Variants in GALNTL6 observed in about 807,000 individuals in gnomAD.
GALNTL6 encodes the protein polypeptide N-acetylgalactosaminyltransferase like 6, also known as polypeptide N-acetylgalactosaminyltransferase-like 6.
Under a neutral mutation model 73.7 loss-of-function variants are expected in GALNTL6, and 46 were observed. That is an observed-to-expected ratio of 0.62 (90% CI 0.49 to 0.80). The LOEUF (loss-of-function observed/expected upper bound fraction) is 0.80. Ranked by LOEUF, GALNTL6 falls within the 30% of genes least tolerant of loss-of-function variation. GALNTL6 has a pLI of 0.00. For synonymous variants in GALNTL6, 259 were observed against 263.7 expected, an observed-to-expected ratio of 0.98 and a Z score of 0.17; for missense variants, 604 against 755.0, an observed-to-expected ratio of 0.80 and a Z score of 2.34.
chr4:172,319,016 G>A (rs2111160492), intron 4 of GALNTL6, among the ~76,000 whole-genome samples: 1 of 152,180 alleles, frequency 6.6e-6, no homozygotes, highest in Admixed American at 6.5e-5. Context: ...TGCTCTGTAA[G>A]GTTTATCTAG....
At chr4:172,203,422 G>A (rs1425746355) in intron 2 of GALNTL6, among the ~76,000 whole-genome samples, 2 of 152,078 alleles carry the variant, frequency 1.3e-5, no homozygotes, top group Non-Finnish European at 2.9e-5. Flanking sequence ...TCTCAGAAAC[G>A]ATGGCGGTAT....
At chr4:172,175,501 A>C (rs1297616305) in intron 2 of GALNTL6, among the ~76,000 whole-genome samples, 1 of 152,196 alleles carries the variant, frequency 6.6e-6, no homozygotes, top group Non-Finnish European at 1.5e-5. Context: ...AAGGAACAAA[A>C]CAAATGATGA....
At chr4:171,994,446 A>C (rs551083228) in intron 2 of GALNTL6, among the ~76,000 whole-genome samples, 1 of 152,178 alleles carries the variant, frequency 6.6e-6, no homozygotes, top group South Asian at 2.1e-4. Context: ...CCTAATGAAC[A>C]TGGGTACTCT....
chr4:172,706,512 G>A (rs1008126539), intron 5 of GALNTL6, among the ~76,000 whole-genome samples: 2 of 151,924 alleles, frequency 1.3e-5, no homozygotes, highest in East Asian at 3.9e-4. Flanking sequence ...CTTGTTTTCT[G>A]TGGACTTATG....
rs562300659 is a variant in GALNTL6, at chr4:172,176,337, CAAAAA to C, written c.139-53304_139-53300del. Among the ~76,000 whole-genome samples, 6 of 31,368 alleles carry C rather than the reference CAAAAA, an allele frequency of 1.9e-4. 1 individual carries two copies. The highest frequency in any genetic ancestry group is 1.4e-3 in the Admixed American group (2 of 1,388). 20.6% of individuals were successfully genotyped at this position (31,368 alleles called of 152,430 possible). On this transcript the variant is annotated intron_variant, in intron 2 of 12. Coordinates refer to ENST00000506823, the MANE Select transcript of GALNTL6 (RefSeq NM_001034845.3). ...CCTGGGCGACAGCGAGACTCCGTCT[CAAAAA>C]AAAAAAAAAAAAAAGAGTGTATTCA...
At chr4:172,549,498 AC>A (rs1735883657) in intron 5 of GALNTL6, among the ~76,000 whole-genome samples, 1 of 152,214 alleles carries the variant, frequency 6.6e-6, no homozygotes, top group Admixed American at 6.5e-5. Context: ...AGTGATATCT[AC>A]AATTTAAAAG....
chr4:172,117,330 A>C (rs183102625), intron 2 of GALNTL6, among the ~76,000 whole-genome samples: 1 of 152,300 alleles, frequency 6.6e-6, no homozygotes, highest in Admixed American at 6.5e-5. Context: ...GTCATTTTAG[A>C]ATGTTTTCAT....
At chr4:172,900,214 G>A (rs1746549985) in intron 8 of GALNTL6, among the ~76,000 whole-genome samples, 1 of 152,182 alleles carries the variant, frequency 6.6e-6, no homozygotes. Flanking sequence ...ACTTTAAAAG[G>A]TGGGTATTCT....
chr4:172,520,112 GT>G (rs940209607), intron 5 of GALNTL6, among the ~76,000 whole-genome samples: 1 of 151,792 alleles, frequency 6.6e-6, no homozygotes, highest in African/African-American at 2.4e-5. Context: ...CAGAACCATT[GT>G]CTCATTTAAA....
intron 5 of GALNTL6, among the ~76,000 whole-genome samples, chr4:172,362,919 T>C (rs945620454): frequency 1.3e-5 from 2 of 152,228 alleles, no homozygotes; most frequent in Non-Finnish European, 2.9e-5. Flanking sequence ...ACTGAGGCTT[T>C]AATTCACTTG....
At chr4:172,170,867 G>C (rs978604833) in intron 2 of GALNTL6, among the ~76,000 whole-genome samples, 2 of 152,062 alleles carry the variant, frequency 1.3e-5, no homozygotes, top group African/African-American at 4.8e-5. Context: ...CTGAAAATGA[G>C]GCATTTCTGC....
chr4:172,935,314 C>T (rs1561043082), intron 9 of GALNTL6, among the ~76,000 whole-genome samples: 3 of 152,166 alleles, frequency 2.0e-5, no homozygotes, highest in Non-Finnish European at 4.4e-5. Context: ...TCACCTCTGA[C>T]ATAGTATCAG....
chr4:172,557,852 T>G lies in GALNTL6; in HGVS notation c.553+209163T>G, dbSNP rs374189614. ...AAATCTAGGTGTTTTTTTTAAGATG[T>G]TAAGCATATATCTACCTATGACCCA... On this transcript the variant is annotated intron_variant, in intron 5 of 12. Coordinates refer to ENST00000506823, the MANE Select transcript of GALNTL6 (RefSeq NM_001034845.3). Among the ~76,000 whole-genome samples the G allele has an allele frequency of 5.3e-5, 8 of 152,204 alleles. No homozygotes were observed. In the East Asian group the frequency reaches 1.5e-3, roughly 29 times the overall value.
chr4:172,580,279 A>T (rs1737129897), intron 5 of GALNTL6, among the ~76,000 whole-genome samples: 1 of 152,228 alleles, frequency 6.6e-6, no homozygotes, highest in Non-Finnish European at 1.5e-5. Flanking sequence ...CATGAAGCAA[A>T]TATATAATAT....
chr4:172,736,031 G>A (rs962980408), intron 5 of GALNTL6, among the ~76,000 whole-genome samples: 2 of 152,148 alleles, frequency 1.3e-5, no homozygotes, highest in Admixed American at 6.5e-5. Flanking sequence ...AATATCACAA[G>A]GGCAGAGAGG....
intron 3 of GALNTL6, among the ~76,000 whole-genome samples, chr4:172,238,758 A>G (rs75662895): frequency 0.014 from 2,165 of 152,084 alleles, 37 homozygotes; most frequent in African/African-American, 0.042. Context: ...GGCTCTTGTT[A>G]TTTTGAGGTA....
intron 5 of GALNTL6, among the ~76,000 whole-genome samples, chr4:172,492,533 A>G (rs1320742215): frequency 2.0e-5 from 3 of 152,308 alleles, no homozygotes; most frequent in Admixed American, 6.5e-5. Flanking sequence ...TACACCTGAA[A>G]GATTAGTGGG....
chr4:171,896,594 C>G (rs959456798), intron 2 of GALNTL6, among the ~76,000 whole-genome samples: 1 of 152,184 alleles, frequency 6.6e-6, no homozygotes, highest in Non-Finnish European at 1.5e-5. Context: ...ACAGACAGCA[C>G]GTTCTCACTG....
chr4:172,408,019 T>C (rs1215645175), intron 5 of GALNTL6, among the ~76,000 whole-genome samples: 1 of 152,076 alleles, frequency 6.6e-6, no homozygotes, highest in Non-Finnish European at 1.5e-5. Context: ...AAGGCCACTT[T>C]AGGAAACACT....
Sources: allele counts gnomAD v4.1 joint callset (sites outside exome capture counted in the v4.1 genomes callset), GRCh38; gene constraint gnomAD v4.1.1; transcripts MANE v1.5; gene names NCBI Gene and HGNC (gene_info 2026-07-23, HGNC 2026-07-21).